PIGS: variants seen among roughly 807,000 people sequenced by gnomAD.
The protein encoded by PIGS is GPI-anchor transamidase component PIGS.
PIGS carries 37 observed loss-of-function variants against 58.2 expected under a neutral mutation model. The ratio of observed to expected loss-of-function variants is 0.64; its 90% CI spans 0.49 to 0.84. PIGS has a LOEUF of 0.84. Ranked by LOEUF, PIGS falls within the 40% of genes least tolerant of loss-of-function variation. The pLI is 0.00. For synonymous variants in PIGS, 269 were observed against 289.2 expected (o/e 0.93, Z 0.71); for missense variants, 629 against 710.8 (o/e 0.88, Z 1.31).
chr17:28,569,160 C>T (rs1171899407), intron 3 of PIGS, among the ~76,000 whole-genome samples: 3 of 147,318 alleles, frequency 2.0e-5, no homozygotes, highest in Non-Finnish European at 3.0e-5. Flanking sequence ...CTGAACCATA[C>T]GAAATATCAT....
At chr17:28,555,439 G>C in intron 10 of PIGS, 1 of 229,336 alleles carries the variant, frequency 4.4e-6, no homozygotes, top group Non-Finnish European at 8.6e-6. Context: ...ATCCAGGACT[G>C]CCTTTGCCAA....
At chr17:28,554,782 C>G (rs1461267406) in intron 11 of PIGS, 69 bp downstream of exon 11, 1 of 1,575,848 alleles carries the variant, frequency 6.3e-7, no homozygotes, top group Non-Finnish European at 8.7e-7. Context: ...GCTCTCTGGT[C>G]TCACCACACT....
rs766662829 is a variant in PIGS at position 28,560,164 on chromosome 17, T to A, written c.704A>T (p.Asn235Ile). 6.2e-7 allele frequency: 1 copy of A among 1,612,158 alleles called. No individual in the cohort carries two copies. Among genetic ancestry groups the A allele is most frequent in the Non-Finnish European group, 8.5e-7 (1 of 1,179,266 alleles). ...LGYEITFSLL[N>I]PDPKSHDVYW... Reference sequence around the variant, plus strand: ...GACATCATGGGACTTGGGGTCTGGGTTGAGTAAACTGAAGGTGATCTCATA... The same window carrying A: ...GACATCATGGGACTTGGGGTCTGGGATGAGTAAACTGAAGGTGATCTCATA... The change falls in exon 7 of 12, where the codon AAC (asparagine) becomes ATC (isoleucine). Residue 235 changes from asparagine to isoleucine, a missense_variant. Physicochemically the swap from Asn to Ile is moderately radical, Grantham distance 149 (BLOSUM62 -3). Transcript: ENST00000308360.
At chr17:28,563,409 C>G (rs374397026) in intron 5 of PIGS, 22 bp downstream of exon 5, 2 of 1,598,450 alleles carry the variant, frequency 1.3e-6, no homozygotes, top group African/African-American at 2.7e-5. Context: ...AAGGCAAAGT[C>G]GCAGCCTCTC....
intron 11 of PIGS, 56 bp downstream of exon 11, chr17:28,554,795 G>T: frequency 1.3e-6 from 2 of 1,591,538 alleles, no homozygotes; most frequent in Non-Finnish European, 8.6e-7. Context: ...ACCACACTCT[G>T]GCCCTCTCTG....
At position 28,554,371 on chromosome 17, in the gene PIGS, G is replaced by C; in HGVS notation, c.1517C>G (p.Ser506Ter). 3.7e-6 allele frequency: 6 copies of C among 1,614,190 alleles called. No individual in the cohort carries two copies. The highest frequency in any genetic ancestry group is 5.1e-6 in the Non-Finnish European group (6 of 1,180,028). The part of the protein sequence containing the change: ...TSSELAFFDP[S>*]LLHLLYFPDD... ...AGGGAAATAAAGGAGGTGGAGGAGT[G>C]ACGGGTCAAAGAAGGCAAGCTCAGA... Residue 506 changes from serine to a stop codon, truncating the protein, a stop_gained, in exon 12 of 12, where the codon TCA becomes TGA. Transcript: ENST00000308360. LOFTEE classifies it high-confidence loss of function.
intron 3 of PIGS, among the ~76,000 whole-genome samples, chr17:28,564,582 G>A (rs1478446594): frequency 1.3e-5 from 2 of 152,102 alleles, no homozygotes; most frequent in Non-Finnish European, 2.9e-5. Flanking sequence ...GGGTGTGGTG[G>A]CAGGCGCCTG....
In PIGS at chr17:28,561,637, G is replaced by A; in HGVS notation, c.469-8C>T. The A allele has an allele frequency of 6.2e-7, 1 of 1,607,330 alleles. No individual in the cohort carries two copies. The highest frequency in any genetic ancestry group is 8.5e-7 in the Non-Finnish European group (1 of 1,176,412). ...AATGTAGCTCATCATGTCCTGTGGG[G>A]GTGAGCAAGAGACAGAATGCCCATG... On this transcript the variant is annotated splice_region_variant and splice_polypyrimidine_tract_variant and intron_variant, in intron 5 of 11. Transcript: ENST00000308360.
chr17:28,567,495 A>G (rs2070400905), intron 3 of PIGS, among the ~76,000 whole-genome samples: 1 of 152,214 alleles, frequency 6.6e-6, no homozygotes, highest in African/African-American at 2.4e-5. Flanking sequence ...AATAAAAGTG[A>G]CAAAAAGACA....
In PIGS at chr17:28,564,778, T is replaced by C. The variant is rs146336613; in HGVS notation, c.287-871A>G. Among the ~76,000 whole-genome samples, 141 of 148,054 alleles carry C rather than the reference T, an allele frequency of 9.5e-4. 1 individual carries two copies. The East Asian group carries it at 0.025, about 26-fold the overall frequency. On this transcript the variant is annotated intron_variant, in intron 3 of 11. Transcript: ENST00000308360. The stretch of plus-strand genomic sequence containing the variant: ...CCTGTAGTCCCAACTACTTGGGAGG[T>C]TGAGGTGGGAGGATGACTTGAGCCT...
Position 28,554,920 on chromosome 17 carries a change from G to T in PIGS, c.1323C>A (p.Thr441=). The change falls in exon 11 of 12, where the codon ACC becomes ACA. Residue 441 remains threonine, a synonymous_variant. Transcript: ENST00000308360. The part of the protein sequence containing the change: ...SVENLATATT[T]LTSLAQLLGK... ...CCAGAAGCTGCGCCAGGGAGGTAAGGGTGGTGGTGGCTGTGGCCAGGTTCT... is the reference window on the plus strand; with the variant it reads ...CCAGAAGCTGCGCCAGGGAGGTAAGTGTGGTGGTGGCTGTGGCCAGGTTCT... 1 of 1,614,054 alleles carries T rather than the reference G, an allele frequency of 6.2e-7. No homozygotes were observed. Among genetic ancestry groups the T allele is most frequent in the Non-Finnish European group, 8.5e-7 (1 of 1,179,954 alleles).
chr17:28,562,441 A>T (rs1567616283), intron 5 of PIGS, among the ~76,000 whole-genome samples: 1 of 151,894 alleles, frequency 6.6e-6, no homozygotes, highest in Non-Finnish European at 1.5e-5. Flanking sequence ...TTGATTATAA[A>T]TTTTCTTTTT....
intron 3 of PIGS, among the ~76,000 whole-genome samples, chr17:28,565,582 G>A (rs929742888): frequency 6.6e-6 from 1 of 152,138 alleles, no homozygotes; most frequent in African/African-American, 2.4e-5. Context: ...AAGAAGAAAT[G>A]ACAGAATTGT....
chr17:28,555,095 G>A (rs1425933004), intron 10 of PIGS, 34 bp from the exon 11 acceptor site: 1 of 1,554,426 alleles, frequency 6.4e-7, no homozygotes, highest in Non-Finnish European at 8.8e-7. Flanking sequence ...CAAGGTGGCT[G>A]AGACCACAAG....
At position 28,556,210 on chromosome 17, in the gene PIGS, C is replaced by T. The variant is rs1369141647; in HGVS notation, c.1137G>A (p.Glu379=). The T allele has an allele frequency of 6.2e-7, 1 of 1,614,076 alleles. No individual in the cohort carries two copies. Among genetic ancestry groups the T allele is most frequent in the South Asian group, 1.1e-5 (1 of 91,084 alleles). ...CCTCCATCACTCGCACCATGTCCAC[C>T]TCGACTCTCACTGGCAGCACTGAGG... ...YNASVLPVRV[E]VDMVRVMEVF... The change falls in exon 10 of 12, where the codon GAG becomes GAA. Residue 379 remains glutamate, a synonymous_variant. Coordinates refer to ENST00000308360, the MANE Select transcript of PIGS (RefSeq NM_033198.4).
At chr17:28,562,207 T>G (rs1233202589) in intron 5 of PIGS, among the ~76,000 whole-genome samples, 1 of 152,184 alleles carries the variant, frequency 6.6e-6, no homozygotes. Flanking sequence ...AATTCAAAAA[T>G]GTAAAATTAA....
chr17:28,557,140 C>G, intron 8 of PIGS, 168 bp from the exon 9 acceptor site: 1 of 698,702 alleles, frequency 1.4e-6, no homozygotes, highest in South Asian at 1.9e-5. Context: ...TCAGAATGTT[C>G]TCCCGAGATG....
In PIGS at chr17:28,560,059, A is replaced by T. The variant is rs528066122; in HGVS notation, c.809T>A (p.Val270Glu). Residue 270 changes from valine to glutamate, a missense_variant, in exon 7 of 12, where the codon GTG becomes GAG. Transcript: ENST00000308360. ...TGCTCCCGGTCTCACCTGAGAGTCC[A>T]CAGAGAAGTTGCCAGCGGCACCGAG... ...NALGAAGNFS[V>E]DSQILYYAML... 6.2e-7 allele frequency: 1 copy of T among 1,611,194 alleles called. No individual in the cohort carries two copies. Among genetic ancestry groups the T allele is most frequent in the East Asian group, 2.2e-5 (1 of 44,832 alleles).
intron 4 of PIGS, 55 bp from the exon 5 acceptor site, chr17:28,563,577 C>A (rs1274767381): frequency 3.9e-6 from 6 of 1,532,556 alleles, no homozygotes; most frequent in Non-Finnish European, 1.8e-6. Flanking sequence ...CATCTCCCCC[C>A]AGCCCCAAAG....
Sources: gnomAD v4.1 joint callset for allele counts (sites outside exome capture counted in the v4.1 genomes callset) on GRCh38, gnomAD v4.1.1 for gene constraint, MANE v1.5 for transcripts, NCBI Gene and HGNC (gene_info 2026-07-23, HGNC 2026-07-21) for gene names.